The following LUZP2 variants were observed in gnomAD, a reference collection of about 807,000 sequenced individuals.
LUZP2 encodes the protein leucine zipper protein 2.
Under a neutral mutation model 51.6 loss-of-function variants are expected in LUZP2, and 52 were observed. The ratio of observed to expected loss-of-function variants is 1.01; its 90% CI spans 0.81 to 1.27. The LOEUF (loss-of-function observed/expected upper bound fraction) is 1.27, where lower values mean the gene tolerates loss of function less well. Among genes scored for constraint, LUZP2 ranks in the 50% most tolerant of loss-of-function variants. The pLI is 0.00. For synonymous variants in LUZP2, 154 were observed against 137.3 expected (o/e 1.12, Z -0.85); for missense variants, 436 against 395.4 (o/e 1.10, Z -0.87).
At chr11:24,959,396 G>A (rs1215819722) in intron 7 of LUZP2, among the ~76,000 whole-genome samples, 2 of 152,148 alleles carry the variant, frequency 1.3e-5, no homozygotes, top group African/African-American at 2.4e-5. Context: ...AGCATGGAAT[G>A]TTCTTCCATT....
chr11:24,825,495 A>G (rs1014873770), intron 5 of LUZP2, among the ~76,000 whole-genome samples: 3 of 152,160 alleles, frequency 2.0e-5, no homozygotes, highest in Admixed American at 2.0e-4. Context: ...GTACACAATG[A>G]TCTTTTTATA....
At chr11:24,600,678 A>T (rs1853602394) in intron 1 of LUZP2, among the ~76,000 whole-genome samples, 1 of 152,128 alleles carries the variant, frequency 6.6e-6, no homozygotes, top group Non-Finnish European at 1.5e-5. Context: ...TACCATTTTT[A>T]ATATTAAGTA....
intron 5 of LUZP2, among the ~76,000 whole-genome samples, chr11:24,775,895 T>G (rs1016916276): frequency 1.8e-4 from 27 of 152,200 alleles, no homozygotes; most frequent in Admixed American, 1.6e-3. Flanking sequence ...GAGAAAACTA[T>G]GCATGTTAGA....
At chr11:24,907,756 T>TA (rs1853504444) in intron 6 of LUZP2, among the ~76,000 whole-genome samples, 1 of 152,198 alleles carries the variant, frequency 6.6e-6, no homozygotes, top group Non-Finnish European at 1.5e-5. Flanking sequence ...TGCACAGAAG[T>TA]AAAAATGGGC....
chr11:24,592,095 G>C (rs1345756672), intron 1 of LUZP2, among the ~76,000 whole-genome samples: 2 of 152,186 alleles, frequency 1.3e-5, no homozygotes, highest in Non-Finnish European at 2.9e-5. Flanking sequence ...CATTCTGTGT[G>C]TGGGTGCCTT....
At chr11:24,962,287 A>G (rs1464506918) in intron 7 of LUZP2, among the ~76,000 whole-genome samples, 2 of 152,018 alleles carry the variant, frequency 1.3e-5, no homozygotes, top group East Asian at 1.9e-4. Flanking sequence ...CATTCTCTGT[A>G]TTTCCCGAAT....
At chr11:24,732,268 C>T (rs1858742536) in intron 3 of LUZP2, 80 bp downstream of exon 3, 2 of 996,386 alleles carry the variant, frequency 2.0e-6, no homozygotes. Flanking sequence ...TTTATTGATT[C>T]TAAATATATG....
In LUZP2 at chr11:24,740,960, T is replaced by G. The variant is rs116743343; in HGVS notation, c.333+2658T>G. On this transcript the variant is annotated intron_variant, in intron 4 of 11. Transcript: ENST00000336930. ...AAGTTGTATCACATAATCATCATCA[T>G]TATTAGTATTTTTTCTTCCTAACCA... is the stretch of plus-strand genomic sequence containing the variant. 4.3e-3 allele frequency among the ~76,000 whole-genome samples: 657 copies of G among 152,198 alleles called. 1 individual carries two copies. The highest frequency in any genetic ancestry group is 0.014 in the African/African-American group (585 of 41,546).
chr11:24,540,167 T>C (rs1418169616), intron 1 of LUZP2, among the ~76,000 whole-genome samples: 1 of 152,102 alleles, frequency 6.6e-6, no homozygotes, highest in Non-Finnish European at 1.5e-5. Flanking sequence ...CATAAAAGCA[T>C]ATCAAGGCAC....
At chr11:24,680,284 C>T (rs1856691296) in intron 1 of LUZP2, among the ~76,000 whole-genome samples, 1 of 152,182 alleles carries the variant, frequency 6.6e-6, no homozygotes, top group African/African-American at 2.4e-5. Flanking sequence ...TCCCAGCTTC[C>T]CTGTGCTGCT....
chr11:25,040,343 A>ATTTTTTTTCTTTT, intron 9 of LUZP2, among the ~76,000 whole-genome samples: 1 of 98,828 alleles, frequency 1.0e-5, no homozygotes. Flanking sequence ...TTTCTTTCCG[A>ATTTTTTTTCTTTT]TTTTTTTTTT....
At chr11:24,721,126 G>A (rs931521197) in intron 1 of LUZP2, among the ~76,000 whole-genome samples, 4 of 152,124 alleles carry the variant, frequency 2.6e-5, no homozygotes, top group African/African-American at 7.2e-5. Context: ...GTCCACTAGC[G>A]TGCCTTTGGA....
chr11:24,671,659 T>C (rs1856405272), intron 1 of LUZP2, among the ~76,000 whole-genome samples: 2 of 152,068 alleles, frequency 1.3e-5, no homozygotes, highest in South Asian at 2.1e-4. Flanking sequence ...ATGAATGTCT[T>C]ATTCAAAGTG....
chr11:24,535,831 C>T (rs182773388), intron 1 of LUZP2, among the ~76,000 whole-genome samples: 228 of 151,718 alleles, frequency 1.5e-3, no homozygotes, highest in African/African-American at 5.3e-3. Flanking sequence ...TGAATCCTTT[C>T]GAGGTTTAAA....
intron 6 of LUZP2, among the ~76,000 whole-genome samples, chr11:24,907,888 T>G (rs7948022): frequency 6.6e-6 from 1 of 152,212 alleles, no homozygotes; most frequent in East Asian, 1.9e-4. Flanking sequence ...TTGCCTAATA[T>G]TGAAATGTAT....
chr11:24,956,211 T>C (rs1855204304), intron 7 of LUZP2, among the ~76,000 whole-genome samples: 1 of 151,592 alleles, frequency 6.6e-6, no homozygotes, highest in African/African-American at 2.4e-5. Context: ...CATGTGGATA[T>C]GTGATTGGGT....
At chr11:24,631,918 C>T (rs1854906866) in intron 1 of LUZP2, among the ~76,000 whole-genome samples, 1 of 151,880 alleles carries the variant, frequency 6.6e-6, no homozygotes, top group African/African-American at 2.4e-5. Context: ...GGAAAGAGGG[C>T]ATATGAATAT....
At chr11:24,555,705 G>A (rs961462937) in intron 1 of LUZP2, among the ~76,000 whole-genome samples, 2 of 152,174 alleles carry the variant, frequency 1.3e-5, no homozygotes, top group South Asian at 2.1e-4. Flanking sequence ...GCTGGCCATG[G>A]TGGCTTATGC....
At chr11:24,793,749 A>C in intron 5 of LUZP2, among the ~76,000 whole-genome samples, 1 of 152,150 alleles carries the variant, frequency 6.6e-6, no homozygotes, top group East Asian at 1.9e-4. Context: ...ATTACGTATA[A>C]GTCTTTTTCT....
Sources: allele counts gnomAD v4.1 joint callset (sites outside exome capture counted in the v4.1 genomes callset), GRCh38; gene constraint gnomAD v4.1.1; transcripts MANE v1.5; gene names NCBI Gene and HGNC (gene_info 2026-07-23, HGNC 2026-07-21).